EML5: variants seen among roughly 807,000 people sequenced by gnomAD.
The protein encoded by EML5 is echinoderm microtubule-associated protein-like 5.
Under a neutral mutation model 250.0 loss-of-function variants are expected in EML5, and 120 were observed. That is an observed-to-expected ratio of 0.48 (90% CI 0.41 to 0.56). The LOEUF (loss-of-function observed/expected upper bound fraction) is 0.56, where lower values mean the gene tolerates loss of function less well. Ranked by LOEUF, EML5 falls within the 20% of genes least tolerant of loss-of-function variation. The probability of loss-of-function intolerance (pLI) is 0.00; values close to 1 mark genes in which losing one functional copy is unlikely to be tolerated. For synonymous variants in EML5, 771 were observed against 806.5 expected, an observed-to-expected ratio of 0.96 and a Z score of 0.75; for missense variants, 2,006 against 2,437.6, an observed-to-expected ratio of 0.82 and a Z score of 3.73.
At chr14:88,683,221 C>T (rs2092754648) in intron 20 of EML5, among the ~76,000 whole-genome samples, 1 of 152,094 alleles carries the variant, frequency 6.6e-6, no homozygotes, top group Non-Finnish European at 1.5e-5. Context: ...AACCGTAGGC[C>T]AGCTAGTTTG....
At chr14:88,667,835 G>A (rs567672316) in intron 21 of EML5, among the ~76,000 whole-genome samples, 5 of 152,234 alleles carry the variant, frequency 3.3e-5, no homozygotes, top group South Asian at 4.1e-4. Flanking sequence ...TGCAATTTGC[G>A]GACTTCAGGA....
At chr14:88,691,336 T>C (rs2092954595) in intron 17 of EML5, among the ~76,000 whole-genome samples, 2 of 152,194 alleles carry the variant, frequency 1.3e-5, no homozygotes, top group South Asian at 4.1e-4. Context: ...GTTTTCTCTC[T>C]TGTTCTATAA....
chr14:88,635,978 C>T (rs1364418556), intron 32 of EML5, among the ~76,000 whole-genome samples: 1 of 152,232 alleles, frequency 6.6e-6, no homozygotes, highest in African/African-American at 2.4e-5. Context: ...GGACTTCCAA[C>T]CTCCAGAGCT....
At chr14:88,781,594 T>C (rs2140778128) in intron 1 of EML5, among the ~76,000 whole-genome samples, 1 of 152,340 alleles carries the variant, frequency 6.6e-6, no homozygotes, top group Admixed American at 6.5e-5. Flanking sequence ...TTTGTAGTTC[T>C]CATAATCCCC....
chr14:88,785,061 T>C (rs1268869859), intron 1 of EML5, among the ~76,000 whole-genome samples: 2 of 152,050 alleles, frequency 1.3e-5, no homozygotes, highest in African/African-American at 4.8e-5. Flanking sequence ...GGACTGGAGA[T>C]TGTTAAGTGA....
In EML5 at chr14:88,625,117, G is replaced by A. The variant is rs895689902; in HGVS notation, c.4751C>T (p.Thr1584Met). 3.7e-6 allele frequency: 6 copies of A among 1,613,472 alleles called. No individual in the cohort carries two copies. Among genetic ancestry groups the A allele is most frequent in the Non-Finnish European group, 5.1e-6 (6 of 1,179,746 alleles). The stretch of plus-strand genomic sequence containing the variant: ...ATCACCACTGATGGTACCTGTAAAC[G>A]TCAAGTTATTCTGAAAAGGAGTGGG... ...LAIAFGANNL[T>M]FTGTISGDVC... Residue 1584 changes from threonine (T) to methionine (M), a missense_variant, in exon 36 of 44, where the codon ACG becomes ATG. This residue lies in a region of EML5 where 405 missense variants were observed against 523.3 expected (regional missense o/e 0.77). Transcript: ENST00000554922.
At chr14:88,775,734 A>G (rs567599102) in intron 1 of EML5, among the ~76,000 whole-genome samples, 12 of 152,294 alleles carry the variant, frequency 7.9e-5, no homozygotes, top group Admixed American at 5.2e-4. Context: ...TTACCACCTG[A>G]GTGTAGAACC....
intron 1 of EML5, among the ~76,000 whole-genome samples, chr14:88,783,915 A>G (rs1425530586): frequency 1.3e-5 from 2 of 152,264 alleles, no homozygotes; most frequent in Non-Finnish European, 2.9e-5. Flanking sequence ...GTTGGGTCAT[A>G]AGACAAGTCT....
At chr14:88,763,358 C>T in intron 1 of EML5, among the ~76,000 whole-genome samples, 1 of 152,136 alleles carries the variant, frequency 6.6e-6, no homozygotes, top group East Asian at 1.9e-4. Context: ...AAACTACCAT[C>T]AGAGAATACT....
intron 21 of EML5, among the ~76,000 whole-genome samples, chr14:88,674,470 A>T (rs1225989241): frequency 5.9e-5 from 9 of 152,160 alleles, no homozygotes; most frequent in Admixed American, 5.2e-4. Context: ...TCCCAGACAC[A>T]TAAAACCATC....
rs191952341 is a variant in EML5, at chr14:88,636,129, C to T, written c.4337-1640G>A. ...CCTACACAAAGAACAGCTTGGCCAC[C>T]CCTCAAGAGTATACACATTGGTTGT... On this transcript the variant is annotated intron_variant, in intron 32 of 43. Transcript: ENST00000554922. 1.1e-3 allele frequency among the ~76,000 whole-genome samples: 171 copies of T among 152,272 alleles called. 1 individual carries two copies. Among genetic ancestry groups the T allele is most frequent in the Non-Finnish European group, 1.8e-3 (120 of 68,038 alleles).
rs553377346 is a variant in EML5 at position 88,689,726 on chromosome 14, C to T, written c.2540-1253G>A. ...TCCAGCCTGCGTGACAGAGCAAAAC[C>T]CTGTCTCCAAACAAAAAGAGAGAGA... On this transcript the variant is annotated intron_variant, in intron 17 of 43. Transcript: ENST00000554922. Among the ~76,000 whole-genome samples, 5 of 151,974 alleles carry T rather than the reference C, an allele frequency of 3.3e-5. No individual in the cohort carries two copies. In the South Asian group the frequency reaches 8.4e-4, roughly 25 times the overall value.
intron 43 of EML5, 28 bp downstream of exon 43, chr14:88,616,114 C>T: frequency 1.2e-6 from 2 of 1,607,288 alleles, no homozygotes; most frequent in Non-Finnish European, 1.7e-6. Context: ...ACATAGTCTG[C>T]TCTTCATGGG....
intron 1 of EML5, among the ~76,000 whole-genome samples, chr14:88,788,012 C>T (rs1273695161): frequency 1.3e-5 from 2 of 152,082 alleles, no homozygotes; most frequent in African/African-American, 2.4e-5. Flanking sequence ...TGACTTTGTG[C>T]GTTTGAGCAA....
At chr14:88,782,752 T>C (rs1241838111) in intron 1 of EML5, among the ~76,000 whole-genome samples, 1 of 152,026 alleles carries the variant, frequency 6.6e-6, no homozygotes, top group Non-Finnish European at 1.5e-5. Context: ...AGAACTGAGG[T>C]TTGGGAACCT....
intron 1 of EML5, among the ~76,000 whole-genome samples, chr14:88,755,515 AAG>A (rs1416464665): frequency 2.0e-5 from 3 of 152,240 alleles, no homozygotes; most frequent in Non-Finnish European, 4.4e-5. Flanking sequence ...AAACAAGACA[AAG>A]ACCTAGCAGT....
intron 41 of EML5, chr14:88,617,237 T>C: frequency 6.2e-6 from 1 of 161,498 alleles, no homozygotes; most frequent in Non-Finnish European, 1.4e-5. Flanking sequence ...AACCTCTGCC[T>C]CCTGGGTTCA....
chr14:88,733,767 T>C (rs1408462042), intron 7 of EML5, among the ~76,000 whole-genome samples: 1 of 152,172 alleles, frequency 6.6e-6, no homozygotes, highest in African/African-American at 2.4e-5. Flanking sequence ...ACAATTAGGT[T>C]GAGTCCCCAT....
chr14:88,753,007 G>A (rs1391949723), intron 2 of EML5, among the ~76,000 whole-genome samples: 1 of 152,170 alleles, frequency 6.6e-6, no homozygotes, highest in East Asian at 1.9e-4. Flanking sequence ...CTTCCTGGAC[G>A]CTGGACAATC....
Sources: gnomAD v4.1 joint callset for allele counts (sites outside exome capture counted in the v4.1 genomes callset) on GRCh38, gnomAD v4.1.1 for gene constraint, gnomAD v4.1.1 regional missense constraint, MANE v1.5 for transcripts, NCBI Gene and HGNC (gene_info 2026-07-23, HGNC 2026-07-21) for gene names.